PTGFRN: variants seen among roughly 807,000 people sequenced by gnomAD.
The protein encoded by PTGFRN is prostaglandin F2 receptor negative regulator.
In PTGFRN, 35 loss-of-function variants were observed where a neutral mutation model predicts 83.2. That is an observed-to-expected ratio of 0.42 (90% CI 0.32 to 0.56). The LOEUF (loss-of-function observed/expected upper bound fraction) is 0.56, where lower values mean the gene tolerates loss of function less well. PTGFRN is among the 20% of genes least tolerant of loss of function. PTGFRN has a pLI of 0.11. For missense variants in PTGFRN, 1,051 were observed against 1,179.5 expected (o/e 0.89, Z 1.60); for synonymous variants, 519 against 498.6 (o/e 1.04, Z -0.55).
intron 8 of PTGFRN, among the ~76,000 whole-genome samples, chr1:116,986,268 T>C (rs1651480036): frequency 6.6e-6 from 1 of 152,232 alleles, no homozygotes; most frequent in African/African-American, 2.4e-5. Context: ...ACTTAAATCA[T>C]CTGTACCATA....
chr1:116,972,383 G>A (rs921081551), intron 6 of PTGFRN, among the ~76,000 whole-genome samples: 3 of 151,968 alleles, frequency 2.0e-5, no homozygotes, highest in African/African-American at 4.8e-5. Flanking sequence ...CCCCCACTAG[G>A]GTTCAATATT....
intron 8 of PTGFRN, among the ~76,000 whole-genome samples, chr1:116,986,434 G>A (rs1418163131): frequency 6.6e-6 from 1 of 152,156 alleles, no homozygotes; most frequent in East Asian, 1.9e-4. Context: ...GCATAGGATT[G>A]ATTTATGCAT....
chr1:116,962,752 G>A (rs1026858500), intron 5 of PTGFRN, among the ~76,000 whole-genome samples: 2 of 152,160 alleles, frequency 1.3e-5, no homozygotes, highest in South Asian at 2.1e-4. Flanking sequence ...TTTCTGTACC[G>A]CTCCGTCTAG....
At chr1:116,949,597 T>G in intron 4 of PTGFRN, 25 bp downstream of exon 4, 2 of 1,594,724 alleles carry the variant, frequency 1.3e-6, no homozygotes, top group East Asian at 4.5e-5. Context: ...GAATGACTCT[T>G]AACCTCTTCA....
chr1:116,982,033 C>T (rs183620968), intron 7 of PTGFRN, among the ~76,000 whole-genome samples: 3 of 152,336 alleles, frequency 2.0e-5, no homozygotes, highest in Admixed American at 1.3e-4. Context: ...GAAGCCACTC[C>T]TGTACCTGAG....
intron 1 of PTGFRN, among the ~76,000 whole-genome samples, chr1:116,925,432 A>G (rs957102351): frequency 7.0e-6 from 1 of 141,898 alleles, no homozygotes; most frequent in Non-Finnish European, 1.5e-5. Flanking sequence ...CTCTCAAAAA[A>G]AAGAAAAAAA....
At chr1:116,920,366 T>G (rs1211424661) in intron 1 of PTGFRN, among the ~76,000 whole-genome samples, 1 of 152,240 alleles carries the variant, frequency 6.6e-6, no homozygotes, top group African/African-American at 2.4e-5. Flanking sequence ...ATTACCAATT[T>G]TCTTTTATGT....
chr1:116,922,101 G>A (rs1649550323), intron 1 of PTGFRN, among the ~76,000 whole-genome samples: 1 of 152,162 alleles, frequency 6.6e-6, no homozygotes, highest in South Asian at 2.1e-4. Context: ...AAGTCACCCT[G>A]AAAGATGTTG....
At chr1:116,977,197 A>G (rs1651182399) in intron 7 of PTGFRN, among the ~76,000 whole-genome samples, 1 of 152,340 alleles carries the variant, frequency 6.6e-6, no homozygotes, top group East Asian at 1.9e-4. Context: ...TATGCACCCA[A>G]TACAGGAGCA....
chr1:116,987,464 G>C lies in PTGFRN; in HGVS notation c.*497G>C, dbSNP rs1651534244. 1 of 157,124 alleles carries C rather than the reference G, an allele frequency of 6.4e-6. No individual in the cohort carries two copies. Among genetic ancestry groups the C allele is most frequent in the South Asian group, 1.9e-4 (1 of 5,146 alleles). 9.7% of individuals were successfully genotyped at this position (157,124 alleles called of 1,614,324 possible). A position where few individuals can be genotyped will look rare whatever the true frequency, so the allele number is the denominator to read the frequency against. Reference sequence around the variant, plus strand: ...ACAGACAACACAGACCTGTGCCGAAGGCTAATTTGTGGCTTTTACGACCCT... The same window carrying C: ...ACAGACAACACAGACCTGTGCCGAACGCTAATTTGTGGCTTTTACGACCCT... On this transcript the variant is annotated 3_prime_UTR_variant, in exon 9 of 9. Transcript: ENST00000393203.
At chr1:116,944,332 A>G (rs1292254101) in intron 2 of PTGFRN, among the ~76,000 whole-genome samples, 1 of 152,176 alleles carries the variant, frequency 6.6e-6, no homozygotes, top group African/African-American at 2.4e-5. Context: ...TGTCAACTCT[A>G]TGACGAAGGT....
intron 1 of PTGFRN, among the ~76,000 whole-genome samples, chr1:116,915,256 G>A (rs1649376853): frequency 6.6e-6 from 1 of 152,226 alleles, no homozygotes; most frequent in Admixed American, 6.5e-5. Context: ...GTGCAGCCCA[G>A]GTACACTTCC....
intron 4 of PTGFRN, among the ~76,000 whole-genome samples, chr1:116,955,133 G>T (rs1356797746): frequency 6.6e-6 from 1 of 152,150 alleles, no homozygotes; most frequent in African/African-American, 2.4e-5. Flanking sequence ...GGAGTCTAAT[G>T]AGCCATTATT....
chr1:116,950,101 C>T (rs868134312), intron 4 of PTGFRN, among the ~76,000 whole-genome samples: 21 of 152,110 alleles, frequency 1.4e-4, no homozygotes, highest in Non-Finnish European at 2.2e-4. Context: ...GTTTTGTGGA[C>T]GCTCTCACCC....
At chr1:116,928,001 C>T (rs747459234) in intron 1 of PTGFRN, among the ~76,000 whole-genome samples, 1 of 152,236 alleles carries the variant, frequency 6.6e-6, no homozygotes, top group South Asian at 2.1e-4. Flanking sequence ...GGATAGATAA[C>T]ATTAGAGCCA....
At chr1:116,946,754 A>C (rs1259051416) in intron 3 of PTGFRN, among the ~76,000 whole-genome samples, 1 of 152,250 alleles carries the variant, frequency 6.6e-6, no homozygotes, top group Non-Finnish European at 1.5e-5. Context: ...CATAAAATAC[A>C]GTACACAAGA....
rs187575485 is a variant in PTGFRN, at chr1:116,971,404, A to G, written c.2060-2812A>G. Reference sequence around the variant, plus strand: ...GAACATGGTTTATGTCAATGTTTGTATTTAAAAGTTAAGTAGTTCCTATAC... The same window carrying G: ...GAACATGGTTTATGTCAATGTTTGTGTTTAAAAGTTAAGTAGTTCCTATAC... On this transcript the variant is annotated intron_variant, in intron 6 of 8. Coordinates refer to ENST00000393203, the MANE Select transcript of PTGFRN (RefSeq NM_020440.4). Among the ~76,000 whole-genome samples the G allele has an allele frequency of 2.1e-4, 32 of 152,186 alleles. No homozygotes were observed. In the East Asian group the frequency reaches 6.0e-3, roughly 28 times the overall value.
chr1:116,946,301 G>C (rs1650200525), intron 3 of PTGFRN, among the ~76,000 whole-genome samples: 1 of 152,174 alleles, frequency 6.6e-6, no homozygotes, highest in African/African-American at 2.4e-5. Flanking sequence ...AAAGTGGGTG[G>C]TGGAAAAGCA....
intron 4 of PTGFRN, among the ~76,000 whole-genome samples, chr1:116,957,886 C>G (rs1650541199): frequency 6.6e-6 from 1 of 152,092 alleles, no homozygotes; most frequent in South Asian, 2.1e-4. Flanking sequence ...CTGTGCCTGG[C>G]TTATTTCACT....
Sources: gnomAD v4.1 joint callset for allele counts (sites outside exome capture counted in the v4.1 genomes callset) on GRCh38, gnomAD v4.1.1 for gene constraint, MANE v1.5 for transcripts, NCBI Gene and HGNC (gene_info 2026-07-23, HGNC 2026-07-21) for gene names.